Variants in USP10 observed in about 807,000 individuals in gnomAD.
The protein encoded by USP10 is ubiquitin specific peptidase 10.
Under a neutral mutation model 84.5 loss-of-function variants are expected in USP10, and 22 were observed. The ratio of observed to expected loss-of-function variants is 0.26; its 90% CI spans 0.19 to 0.37. The LOEUF (loss-of-function observed/expected upper bound fraction) is 0.37, where lower values mean the gene tolerates loss of function less well. Ranked by LOEUF, USP10 falls within the 10% of genes least tolerant of loss-of-function variation. The pLI is 1.00. For synonymous variants in USP10, 454 were observed against 387.6 expected (o/e 1.17, Z -2.01); for missense variants, 1,019 against 998.9 (o/e 1.02, Z -0.27).
intron 4 of USP10, among the ~76,000 whole-genome samples, chr16:84,749,665 A>G (rs1008954094): frequency 6.6e-6 from 1 of 152,136 alleles, no homozygotes; most frequent in Non-Finnish European, 1.5e-5. Context: ...ACATTTCTGG[A>G]CTATTTCCCC....
chr16:84,775,104 C>T lies in USP10; in HGVS notation c.2144-56C>T, dbSNP rs1343129272. ...GAATGTTGTTAGCCATTTTCTGCTG[C>T]TGTTACCCTGAACCTTTCTAAAAGT... On this transcript the variant is annotated intron_variant, in intron 12 of 13. Transcript: ENST00000219473. 4 of 1,502,052 alleles carry T rather than the reference C, an allele frequency of 2.7e-6. No homozygotes were observed. In the African/African-American group the frequency reaches 5.5e-5, roughly 21 times the overall value. 93.0% of individuals were successfully genotyped at this position (1,502,052 alleles called of 1,614,324 possible).
At chr16:84,701,410 T>C (rs1904840646) in intron 1 of USP10, among the ~76,000 whole-genome samples, 1 of 152,242 alleles carries the variant, frequency 6.6e-6, no homozygotes, top group African/African-American at 2.4e-5. Context: ...TTGAATAATT[T>C]TTACAAATGT....
intron 1 of USP10, among the ~76,000 whole-genome samples, chr16:84,701,314 A>C (rs2150746743): frequency 6.6e-6 from 1 of 152,374 alleles, no homozygotes; most frequent in South Asian, 2.1e-4. Flanking sequence ...AGTTTGCATC[A>C]GAATTTCCCC....
chr16:84,764,633 T>C (rs1273881116), intron 10 of USP10, among the ~76,000 whole-genome samples: 4 of 151,952 alleles, frequency 2.6e-5, no homozygotes, highest in Admixed American at 1.3e-4. Context: ...AAGTTCGAGA[T>C]CAACCTGATC....
At chr16:84,764,354 C>G in intron 10 of USP10, 91 bp downstream of exon 10, 4 of 1,533,060 alleles carry the variant, frequency 2.6e-6, no homozygotes, top group South Asian at 2.3e-5. Context: ...TGTTTTGAGA[C>G]TTCTTGGACG....
chr16:84,759,130 A>C (rs1912907910), intron 5 of USP10: 2 of 592,044 alleles, frequency 3.4e-6, no homozygotes, highest in Non-Finnish European at 6.0e-6. Flanking sequence ...TGTCTTGGTT[A>C]GGTCAAGTTC....
At chr16:84,770,084 G>GT (rs370459581) in intron 11 of USP10, among the ~76,000 whole-genome samples, 196 of 152,244 alleles carry the variant, frequency 1.3e-3, no homozygotes, top group African/African-American at 4.5e-3. Context: ...ACTCCAGCCT[G>GT]TGCGATAGTG....
At chr16:84,711,568 C>G (rs1370500129) in intron 1 of USP10, among the ~76,000 whole-genome samples, 1 of 152,142 alleles carries the variant, frequency 6.6e-6, no homozygotes, top group Non-Finnish European at 1.5e-5. Context: ...TAGTTTTTCC[C>G]AAACTGGTGC....
At chr16:84,735,136 G>T (rs1003943925) in intron 2 of USP10, among the ~76,000 whole-genome samples, 1 of 151,796 alleles carries the variant, frequency 6.6e-6, no homozygotes, top group East Asian at 1.9e-4. Context: ...CCTCAGGGGG[G>T]TTCTCATGCT....
At chr16:84,727,458 AAAAAC>A (rs1908645423) in intron 1 of USP10, among the ~76,000 whole-genome samples, 1 of 131,828 alleles carries the variant, frequency 7.6e-6, no homozygotes, top group African/African-American at 2.8e-5. Flanking sequence ...TTAGCTTTAA[AAAAAC>A]AAACAAACAA....
intron 1 of USP10, among the ~76,000 whole-genome samples, chr16:84,724,795 A>C (rs904633871): frequency 6.6e-6 from 1 of 152,172 alleles, no homozygotes; most frequent in African/African-American, 2.4e-5. Flanking sequence ...GTTGATGCTC[A>C]GTGCATATTG....
At chr16:84,731,627 C>G (rs1038683917) in intron 1 of USP10, among the ~76,000 whole-genome samples, 1 of 152,198 alleles carries the variant, frequency 6.6e-6, no homozygotes, top group Non-Finnish European at 1.5e-5. Flanking sequence ...GGAACAAAAT[C>G]CTTTTTTCTC....
In USP10 at chr16:84,763,037, C is replaced by T. The variant is rs374490329; in HGVS notation, c.1603C>T (p.Leu535Phe). ...EEYLGFILNG[L>F]HEEMLNLKKL... is the part of the protein sequence containing the mutation. ...ATACTTAGGCTTCATTCTAAATGGACTTCATGAGGAAATGTTGAACCTAAA... is the reference window on the plus strand; with the variant it reads ...ATACTTAGGCTTCATTCTAAATGGATTTCATGAGGAAATGTTGAACCTAAA... Residue 535 changes from leucine (L) to phenylalanine (F), a missense_variant, in exon 9 of 14, where the codon CTT (leucine) becomes TTT (phenylalanine). Leu to Phe is a conservative substitution (Grantham distance 22, BLOSUM62 0). Coordinates refer to ENST00000219473, the MANE Select transcript of USP10 (RefSeq NM_005153.3). The T allele has an allele frequency of 6.2e-7, 1 of 1,612,514 alleles. No individual in the cohort carries two copies. Among genetic ancestry groups the T allele is most frequent in the Non-Finnish European group, 8.5e-7 (1 of 1,178,954 alleles).
chr16:84,764,939 A>AAAAAATATATATAT (rs370383030), intron 10 of USP10, among the ~76,000 whole-genome samples: 6 of 132,258 alleles, frequency 4.5e-5, no homozygotes, highest in Non-Finnish European at 9.5e-5. Context: ...GAGAAAAAAA[A>AAAAAATATATATAT]ATATATATAT....
chr16:84,704,486 T>C lies in USP10; in HGVS notation c.21+4375T>C, dbSNP rs912937964. ...CACTTCAGCAGTGTAGATGTTCATTTCCAGAGACTTGTATGTGCTTGGACT... is the reference window on the plus strand; with the variant it reads ...CACTTCAGCAGTGTAGATGTTCATTCCCAGAGACTTGTATGTGCTTGGACT... On this transcript the variant is annotated intron_variant, in intron 1 of 13. Transcript: ENST00000219473. Among the ~76,000 whole-genome samples, 6 of 152,208 alleles carry C rather than the reference T, an allele frequency of 3.9e-5. No homozygotes were observed. The South Asian group carries it at 6.2e-4, about 16-fold the overall frequency.
chr16:84,773,130 C>G (rs1914625170), intron 12 of USP10, among the ~76,000 whole-genome samples: 2 of 152,274 alleles, frequency 1.3e-5, no homozygotes, highest in East Asian at 1.9e-4. Context: ...GTGGCACTTA[C>G]CAGCCTCAAG....
chr16:84,735,287 C>G (rs1299129058), intron 2 of USP10, among the ~76,000 whole-genome samples: 2 of 151,792 alleles, frequency 1.3e-5, no homozygotes, highest in Non-Finnish European at 2.9e-5. Flanking sequence ...CCACATCACA[C>G]TGATGTAACC....
chr16:84,730,071 T>A (rs1909008759), intron 1 of USP10, among the ~76,000 whole-genome samples: 1 of 152,098 alleles, frequency 6.6e-6, no homozygotes, highest in Non-Finnish European at 1.5e-5. Context: ...TGTAGTCCCC[T>A]CCCAAGAAAA....
At position 84,735,130 on chromosome 16, in the gene USP10, A is replaced by AG. The variant is rs1491542171; in HGVS notation, c.90+1633dup. ...CAACTTTGACCCCCCGCCCCGCCTCAGGGGGGTTCTCATGCTTCAGCCCCT... is the reference window on the plus strand; with the variant it reads ...CAACTTTGACCCCCCGCCCCGCCTCAGGGGGGGTTCTCATGCTTCAGCCCCT... On this transcript the variant is annotated intron_variant, in intron 2 of 13. Transcript: ENST00000219473. Among the ~76,000 whole-genome samples the AG allele has an allele frequency of 2.0e-5, 3 of 151,096 alleles. 1 individual carries two copies.
Sources: allele counts gnomAD v4.1 joint callset (sites outside exome capture counted in the v4.1 genomes callset), GRCh38; gene constraint gnomAD v4.1.1; transcripts MANE v1.5; gene names NCBI Gene and HGNC (gene_info 2026-07-23, HGNC 2026-07-21).